The following ABLIM3 variants were observed in gnomAD, a reference collection of about 807,000 sequenced individuals.
The protein encoded by ABLIM3 is actin-binding LIM protein 3.
ABLIM3 carries 61 observed loss-of-function variants against 109.5 expected under a neutral mutation model. That is an observed-to-expected ratio of 0.56 (90% CI 0.45 to 0.69). The LOEUF is 0.69. Among genes scored for constraint, ABLIM3 ranks in the 30% least tolerant of loss-of-function variants. The pLI is 0.00. For synonymous variants in ABLIM3, 300 were observed against 324.8 expected (o/e 0.92, Z 0.82); for missense variants, 796 against 889.5 (o/e 0.89, Z 1.34).
chr5:149,240,189 C>T (rs989899732), intron 13 of ABLIM3, among the ~76,000 whole-genome samples: 62 of 152,340 alleles, frequency 4.1e-4, no homozygotes, highest in African/African-American at 1.4e-3. Flanking sequence ...TCCTCGTGGC[C>T]TGCCCCATCC....
chr5:149,241,317 A>G (rs10061151), intron 14 of ABLIM3, among the ~76,000 whole-genome samples: 62 of 152,390 alleles, frequency 4.1e-4, no homozygotes, highest in African/African-American at 1.4e-3. Context: ...AAAAATGAGT[A>G]AACAAATAGG....
intron 3 of ABLIM3, among the ~76,000 whole-genome samples, chr5:149,191,542 G>GA (rs143012702): frequency 0.05 from 7,582 of 152,176 alleles, 577 homozygotes; most frequent in African/African-American, 0.17. Context: ...TCAGAGAAGA[G>GA]AAAAGGGTAC....
At chr5:149,251,479 C>G (rs1364254952) in intron 21 of ABLIM3, 60 bp downstream of exon 21, 1 of 1,582,360 alleles carries the variant, frequency 6.3e-7, no homozygotes, top group Admixed American at 1.7e-5. Flanking sequence ...CCACTCAAAA[C>G]TGCAGCTTGA....
intron 3 of ABLIM3, among the ~76,000 whole-genome samples, chr5:149,188,731 C>A (rs748338826): frequency 6.6e-6 from 1 of 152,186 alleles, no homozygotes; most frequent in Non-Finnish European, 1.5e-5. Context: ...CACAAAGGCC[C>A]ATCTCTAAAC....
chr5:149,248,343 C>T (rs1243017169), intron 18 of ABLIM3, among the ~76,000 whole-genome samples: 3 of 152,142 alleles, frequency 2.0e-5, no homozygotes, highest in South Asian at 2.1e-4. Flanking sequence ...TGAGCAGTCA[C>T]TCCCATTGCT....
chr5:149,208,051 G>C (rs541910685), intron 6 of ABLIM3, among the ~76,000 whole-genome samples: 4 of 152,376 alleles, frequency 2.6e-5, no homozygotes, highest in African/African-American at 9.6e-5. Flanking sequence ...CAGCACACAT[G>C]CTTCTGCTGT....
intron 11 of ABLIM3, 51 bp from the exon 12 acceptor site, chr5:149,239,197 C>T: frequency 6.2e-7 from 1 of 1,601,264 alleles, no homozygotes; most frequent in Non-Finnish European, 8.6e-7. Context: ...TCGTCCTCCT[C>T]TCATTCCTTC....
In ABLIM3 at chr5:149,239,769, A is replaced by T. The variant is rs373988208; in HGVS notation, c.1085A>T (p.Glu362Val). ...CATTTCCTCTCCCAGGACATCTACG[A>T]GAACCTGGACCTCCGGCAGAGACGG... Reference protein sequence around the residue: ...TLSPYSQDIYENLDLRQRRAS... With the variant: ...TLSPYSQDIYVNLDLRQRRAS... The change falls in exon 13 of 24, where the codon GAG (glutamate) becomes GTG (valine). Residue 362 changes from glutamate to valine, a missense_variant. Transcript: ENST00000309868. The T allele has an allele frequency of 1.2e-5, 20 of 1,605,326 alleles. No individual in the cohort carries two copies. The highest frequency in any genetic ancestry group is 1.7e-5 in the Non-Finnish European group (20 of 1,176,054).
chr5:149,238,014 A>G (rs1752400262), intron 11 of ABLIM3, among the ~76,000 whole-genome samples: 1 of 152,198 alleles, frequency 6.6e-6, no homozygotes, highest in South Asian at 2.1e-4. Flanking sequence ...ATCTCCTGCC[A>G]GGCTCAGTGG....
At chr5:149,252,328 G>A in intron 22 of ABLIM3, 120 bp downstream of exon 22, 1 of 1,190,470 alleles carries the variant, frequency 8.4e-7, no homozygotes, top group Non-Finnish European at 1.2e-6. Flanking sequence ...AATAACCCCA[G>A]GGGTCCTTTC....
intron 7 of ABLIM3, among the ~76,000 whole-genome samples, chr5:149,211,126 G>A (rs546992332): frequency 2.6e-4 from 40 of 152,114 alleles, no homozygotes; most frequent in African/African-American, 8.0e-4. Flanking sequence ...CAGCCCTGCC[G>A]GAGAAAGGAA....
Position 149,259,733 on chromosome 5 carries a change from TG to T in ABLIM3, c.*1330del. 2 of 810,976 alleles carry T rather than the reference TG, an allele frequency of 2.5e-6. No individual in the cohort carries two copies. Among genetic ancestry groups the T allele is most frequent in the South Asian group, 3.5e-5 (2 of 57,430 alleles). The allele number at this position is 810,976 out of a possible 1,614,324, so 50.2% of individuals were successfully genotyped here. ...TGAATGGGTAATGTTTGGTGGGGGCTGTTCCTTCTTGGAGAAGCCTTGAGTC... is the reference window on the plus strand; with the variant it reads ...TGAATGGGTAATGTTTGGTGGGGGCTTTCCTTCTTGGAGAAGCCTTGAGTC... On this transcript the variant is annotated 3_prime_UTR_variant, in exon 24 of 24. Coordinates refer to ENST00000309868, the MANE Select transcript of ABLIM3 (RefSeq NM_014945.5).
At chr5:149,206,831 A>G (rs998354194) in intron 5 of ABLIM3, among the ~76,000 whole-genome samples, 177 bp from the exon 6 acceptor site, 2 of 151,908 alleles carry the variant, frequency 1.3e-5, no homozygotes, top group Non-Finnish European at 2.9e-5. Flanking sequence ...TCAAGAGGCC[A>G]GGACTCCAGT....
chr5:149,213,215 G>A (rs919883902), intron 7 of ABLIM3, among the ~76,000 whole-genome samples: 5 of 152,204 alleles, frequency 3.3e-5, no homozygotes, highest in Non-Finnish European at 7.4e-5. Flanking sequence ...TTGAATAATA[G>A]CACCACCAGA....
In ABLIM3 at chr5:149,198,233, C is replaced by G; in HGVS notation, c.166C>G (p.Leu56Val). The G allele has an allele frequency of 6.2e-7, 1 of 1,613,006 alleles. No individual in the cohort carries two copies. Among genetic ancestry groups the G allele is most frequent in the Non-Finnish European group, 8.5e-7 (1 of 1,179,452 alleles). The change falls in exon 4 of 24, where the codon CTG becomes GTG. Residue 56 changes from leucine (L) to valine (V), a missense_variant. Leu to Val is a conservative substitution (Grantham distance 32). Coordinates refer to ENST00000309868, the MANE Select transcript of ABLIM3 (RefSeq NM_014945.5). The surrounding 1 kb of genome is among the most constrained non-coding windows in gnomAD (Gnocchi z 4.2). ...TGTTCCCCAAGTATGTGGCTGTGGC[C>G]TGGCCCAGTCAGGCTTCTTCTTCAA... ...CFTCQVCGCG[L>V]AQSGFFFKNQ...
At chr5:149,159,468 C>G (rs1754133178) in intron 2 of ABLIM3, among the ~76,000 whole-genome samples, 1 of 152,106 alleles carries the variant, frequency 6.6e-6, no homozygotes, top group African/African-American at 2.4e-5. Context: ...ATACATTTGT[C>G]AAAACTTATT....
intron 2 of ABLIM3, among the ~76,000 whole-genome samples, chr5:149,158,857 A>G (rs1453372245): frequency 6.6e-6 from 1 of 152,238 alleles, no homozygotes; most frequent in Non-Finnish European, 1.5e-5. Flanking sequence ...AAAGGAGCTT[A>G]ACATCATTAG....
chr5:149,168,046 A>T (rs985753117), intron 2 of ABLIM3, among the ~76,000 whole-genome samples: 3 of 152,216 alleles, frequency 2.0e-5, no homozygotes, highest in Non-Finnish European at 2.9e-5. Context: ...CTAGATGCCT[A>T]TAGCACACGC....
At chr5:149,206,982 C>T (rs1418116571) in intron 5 of ABLIM3, 26 bp from the exon 6 acceptor site, 1 of 1,611,960 alleles carries the variant, frequency 6.2e-7, no homozygotes, top group Non-Finnish European at 8.5e-7. Context: ...GGGTGCTTTG[C>T]TCAGCAGTGT....
Sources: gnomAD v4.1 joint callset for allele counts (sites outside exome capture counted in the v4.1 genomes callset) on GRCh38, gnomAD v4.1.1 for gene constraint, Gnocchi (gnomAD v3.1) non-coding constraint, MANE v1.5 for transcripts, NCBI Gene and HGNC (gene_info 2026-07-23, HGNC 2026-07-21) for gene names.